The following NFIB variants were observed in gnomAD, a reference collection of about 807,000 sequenced individuals.
The protein encoded by NFIB is nuclear factor I B, also known as nuclear factor 1 B-type.
In NFIB, 11 loss-of-function variants were observed where a neutral mutation model predicts 61.5. The ratio of observed to expected loss-of-function variants is 0.18; its 90% CI spans 0.11 to 0.30. NFIB has a LOEUF of 0.30. Among genes scored for constraint, NFIB ranks in the 10% least tolerant of loss-of-function variants. The pLI is 1.00. For synonymous variants in NFIB, 260 were observed against 216.5 expected, an observed-to-expected ratio of 1.20 and a Z score of -1.76; for missense variants, 471 against 608.9, an observed-to-expected ratio of 0.77 and a Z score of 2.38.
chr9:14,089,817 A>T (rs1443013676), intron 10 of NFIB, among the ~76,000 whole-genome samples: 1 of 152,102 alleles, frequency 6.6e-6, no homozygotes, highest in Non-Finnish European at 1.5e-5. Flanking sequence ...ACAATTCTGA[A>T]TTTTTTTTAA....
intron 2 of NFIB, among the ~76,000 whole-genome samples, chr9:14,264,769 G>C (rs1429235104): frequency 6.6e-6 from 1 of 152,094 alleles, no homozygotes; most frequent in Admixed American, 6.6e-5. Context: ...GTTCCAATCA[G>C]AGAACGTTAA....
intron 4 of NFIB, among the ~76,000 whole-genome samples, chr9:14,151,132 A>G (rs886690975): frequency 2.0e-5 from 3 of 152,096 alleles, no homozygotes; most frequent in Non-Finnish European, 4.4e-5. Context: ...CCGGACACAT[A>G]GGATTATTTT....
chr9:14,437,181 C>T, the NFIB span, among the ~76,000 whole-genome samples: 2 of 152,212 alleles, frequency 1.3e-5, no homozygotes, highest in African/African-American at 2.4e-5. Flanking sequence ...ATGCCTCTGA[C>T]ATGCCATACA....
chr9:14,493,275 T>C, the NFIB span, among the ~76,000 whole-genome samples: 1 of 152,194 alleles, frequency 6.6e-6, no homozygotes, highest in African/African-American at 2.4e-5. Context: ...TGATGTAAAA[T>C]GTCACACCAC....
At chr9:14,258,939 T>A (rs2056484246) in intron 2 of NFIB, among the ~76,000 whole-genome samples, 1 of 152,210 alleles carries the variant, frequency 6.6e-6, no homozygotes, top group Admixed American at 6.5e-5. Context: ...TGGCTTCATT[T>A]GGAGGCTCAT....
chr9:14,284,990 G>A (rs149816150), intron 2 of NFIB, among the ~76,000 whole-genome samples: 3 of 152,280 alleles, frequency 2.0e-5, no homozygotes, highest in South Asian at 4.1e-4. Context: ...GCAGCATAGA[G>A]CAAGAGAAAA....
the NFIB span, among the ~76,000 whole-genome samples, chr9:14,414,240 C>T: frequency 6.6e-6 from 1 of 151,678 alleles, no homozygotes; most frequent in Non-Finnish European, 1.5e-5. Flanking sequence ...GATTGAGACC[C>T]CATGGCCAAT....
intron 1 of NFIB, among the ~76,000 whole-genome samples, chr9:14,389,683 GTCC>G (rs2061596803): frequency 2.0e-5 from 3 of 152,114 alleles, no homozygotes; most frequent in African/African-American, 4.8e-5. Context: ...CTCATAATGG[GTCC>G]TCCTCAATTA....
At chr9:14,295,506 C>T (rs746603424) in intron 2 of NFIB, among the ~76,000 whole-genome samples, 1 of 152,060 alleles carries the variant, frequency 6.6e-6, no homozygotes, top group Non-Finnish European at 1.5e-5. Context: ...GGAAGGGCGC[C>T]TGTAGTCCCA....
At chr9:14,497,675 G>T in the NFIB span, among the ~76,000 whole-genome samples, 5 of 152,312 alleles carry the variant, frequency 3.3e-5, no homozygotes, top group South Asian at 6.2e-4. Flanking sequence ...TTTCCATGTG[G>T]TAACTATCAC....
chr9:14,226,212 A>C (rs898186193), intron 2 of NFIB, among the ~76,000 whole-genome samples: 17 of 152,270 alleles, frequency 1.1e-4, no homozygotes, highest in African/African-American at 4.1e-4. Context: ...TATTTGGATA[A>C]CTTTTTTTTG....
intron 1 of NFIB, among the ~76,000 whole-genome samples, chr9:14,340,966 G>A (rs577582507): frequency 6.6e-6 from 1 of 151,404 alleles, no homozygotes; most frequent in South Asian, 2.1e-4. Context: ...TTATTTATAC[G>A]TTAATACTCG....
chr9:14,141,693 T>C (rs905693101), intron 6 of NFIB, among the ~76,000 whole-genome samples: 5 of 152,066 alleles, frequency 3.3e-5, no homozygotes, highest in South Asian at 2.1e-4. Context: ...ATCCCATACA[T>C]GTAGAAATTA....
intron 2 of NFIB, among the ~76,000 whole-genome samples, chr9:14,188,208 T>C (rs1380825381): frequency 6.6e-6 from 1 of 152,210 alleles, no homozygotes; most frequent in East Asian, 1.9e-4. Context: ...GATTGCATAA[T>C]ATGTTTTTGA....
intron 2 of NFIB, among the ~76,000 whole-genome samples, chr9:14,298,192 A>T (rs1032553477): frequency 2.0e-5 from 3 of 152,188 alleles, no homozygotes; most frequent in Admixed American, 6.5e-5. Context: ...AAAGAAAAAA[A>T]TGTTGGTTTT....
At chr9:14,493,842 T>C in the NFIB span, among the ~76,000 whole-genome samples, 3 of 152,206 alleles carry the variant, frequency 2.0e-5, no homozygotes, top group African/African-American at 7.2e-5. Flanking sequence ...TGTTTCACAA[T>C]ATGGGGAAGG....
chr9:14,247,345 G>A (rs1442488040), intron 2 of NFIB, among the ~76,000 whole-genome samples: 1 of 152,214 alleles, frequency 6.6e-6, no homozygotes, highest in Non-Finnish European at 1.5e-5. Flanking sequence ...GACAGATCCA[G>A]CTAATGGTTG....
chr9:14,313,450 A>G lies in NFIB; in HGVS notation c.30+32T>C. 2 of 1,613,608 alleles carry G rather than the reference A, an allele frequency of 1.2e-6. No homozygotes were observed. Among genetic ancestry groups the G allele is most frequent in the African/African-American group, 1.3e-5 (1 of 75,040 alleles). On this transcript the variant is annotated intron_variant, in intron 1 of 10. Coordinates refer to ENST00000380953, the MANE Select transcript of NFIB (RefSeq NM_001190737.2). This position sits in a 1 kb window ranked among gnomAD's most constrained non-coding sequence, Gnocchi z 4.5. ...AAAACAAAGGCATTTCGGGCCAGAG[A>G]GAAAGCTCGAGAAAGCGACCGAGAC...
the NFIB span, among the ~76,000 whole-genome samples, chr9:14,463,902 C>T: frequency 6.7e-4 from 102 of 152,154 alleles, no homozygotes; most frequent in Non-Finnish European, 1.0e-3. Flanking sequence ...CCTCGTGGTC[C>T]GACCGCCTCG....
Sources: gnomAD v4.1 joint callset for allele counts (sites outside exome capture counted in the v4.1 genomes callset) on GRCh38, gnomAD v4.1.1 for gene constraint, Gnocchi (gnomAD v3.1) non-coding constraint, MANE v1.5 for transcripts, NCBI Gene and HGNC (gene_info 2026-07-23, HGNC 2026-07-21) for gene names.